Variants in CADM3 observed in about 807,000 individuals in gnomAD.
CADM3 encodes TSLC1-like 1.
A neutral mutation model predicts 44.9 loss-of-function variants in CADM3; 11 were observed. The ratio of observed to expected loss-of-function variants is 0.25; its 90% CI spans 0.15 to 0.41. The LOEUF is 0.41. Among genes scored for constraint, CADM3 ranks in the 10% least tolerant of loss-of-function variants. CADM3 has a pLI of 1.00. For missense variants in CADM3, 426 were observed against 512.0 expected, an observed-to-expected ratio of 0.83 and a Z score of 1.62; for synonymous variants, 207 against 205.2, an observed-to-expected ratio of 1.01 and a Z score of -0.08.
At chr1:159,190,893 G>C (rs1649629941) in intron 1 of CADM3, among the ~76,000 whole-genome samples, 1 of 152,206 alleles carries the variant, frequency 6.6e-6, no homozygotes, top group African/African-American at 2.4e-5. Context: ...ACAGATTTTT[G>C]TGGATGCATT....
At chr1:159,174,092 G>A (rs1295195819) in intron 1 of CADM3, among the ~76,000 whole-genome samples, 1 of 152,176 alleles carries the variant, frequency 6.6e-6, no homozygotes, top group Non-Finnish European at 1.5e-5. Context: ...AACAGGAGGG[G>A]TCTGTTTCCA....
chr1:159,175,608 C>T (rs1313896937), intron 1 of CADM3, among the ~76,000 whole-genome samples: 1 of 152,216 alleles, frequency 6.6e-6, no homozygotes, highest in Non-Finnish European at 1.5e-5. Context: ...TTTACACATT[C>T]TTATAATCCT....
rs755737224 is a variant in CADM3, at chr1:159,197,070, C to T, written c.952+10C>T. 13 of 1,612,002 alleles carry T rather than the reference C, an allele frequency of 8.1e-6. No individual in the cohort carries two copies. The South Asian group carries it at 1.2e-4, about 15-fold the overall frequency. On this transcript the variant is annotated intron_variant, in intron 7 of 8. Coordinates refer to ENST00000368125, the MANE Select transcript of CADM3 (RefSeq NM_001127173.3). ...ACCCTCAATGTTAATGGTAAGCCCTCCTCAGTTCTCTTCCTCCAGAATCTC... is the reference window on the plus strand; with the variant it reads ...ACCCTCAATGTTAATGGTAAGCCCTTCTCAGTTCTCTTCCTCCAGAATCTC...
intron 1 of CADM3, among the ~76,000 whole-genome samples, chr1:159,172,233 T>G (rs567795123): frequency 1.3e-5 from 2 of 152,024 alleles, no homozygotes; most frequent in Admixed American, 6.5e-5. Flanking sequence ...TCAGTGTGTG[T>G]TGGGGGCGGA....
Position 159,171,704 on chromosome 1 carries a change from T to A in CADM3, c.-62T>A. ...AACATCGTAGTCCACCCCCTCCCCATCCCCAGCCCCCGGGGATTCAGGCTC... is the reference window on the plus strand; with the variant it reads ...AACATCGTAGTCCACCCCCTCCCCAACCCCAGCCCCCGGGGATTCAGGCTC... On this transcript the variant is annotated 5_prime_UTR_variant, in exon 1 of 9. Coordinates refer to ENST00000368125, the MANE Select transcript of CADM3 (RefSeq NM_001127173.3). 33 of 1,101,582 alleles carry A rather than the reference T, an allele frequency of 3.0e-5. No homozygotes were observed. The highest frequency in any genetic ancestry group is 3.6e-5 in the Non-Finnish European group (31 of 869,830). 68.2% of individuals were successfully genotyped at this position (1,101,582 alleles called of 1,614,324 possible). A position where few individuals can be genotyped will look rare whatever the true frequency, so the allele number is the denominator to read the frequency against.
At position 159,199,847 on chromosome 1, in the gene CADM3, T is replaced by C. The variant is rs1571028939; in HGVS notation, c.1049T>C (p.Phe350Ser). 6.2e-7 allele frequency: 1 copy of C among 1,614,012 alleles called. No individual in the cohort carries two copies. Among genetic ancestry groups the C allele is most frequent in the Non-Finnish European group, 8.5e-7 (1 of 1,180,014 alleles). ...IVFLLLIMLI[F>S]LGHYLIRHKG... ...TTCCTGCTGCTCATCATGCTCATCTTCCTTGGCCACTACTTGATCCGGCAC... is the reference window on the plus strand; with the variant it reads ...TTCCTGCTGCTCATCATGCTCATCTCCCTTGGCCACTACTTGATCCGGCAC... The change falls in exon 8 of 9, where the codon TTC becomes TCC. Residue 350 changes from phenylalanine to serine, a missense_variant. Phe to Ser is a radical substitution (Grantham distance 155, BLOSUM62 -2). Transcript: ENST00000368125.
chr1:159,174,001 GC>G (rs1648924340), intron 1 of CADM3, among the ~76,000 whole-genome samples: 1 of 152,246 alleles, frequency 6.6e-6, no homozygotes, highest in Non-Finnish European at 1.5e-5. Context: ...ATGCTTCAGA[GC>G]AGTGGCCTGA....
intron 1 of CADM3, among the ~76,000 whole-genome samples, chr1:159,178,036 G>A (rs973990608): frequency 6.6e-6 from 1 of 152,108 alleles, no homozygotes; most frequent in Admixed American, 6.5e-5. Context: ...TATAACCTAT[G>A]CACATTCTCC....
Position 159,172,760 on chromosome 1 carries a change from T to C in CADM3, c.88+907T>C, listed in dbSNP as rs1173449293. On this transcript the variant is annotated intron_variant, in intron 1 of 8. Transcript: ENST00000368125. The stretch of plus-strand genomic sequence containing the variant: ...ATGGTAGAGAGATGAAGGAAGGGAG[T>C]CGGGGGAGAAAGGAGGCGGGGCCAG... Among the ~76,000 whole-genome samples, 4 of 147,956 alleles carry C rather than the reference T, an allele frequency of 2.7e-5. No homozygotes were observed. In the South Asian group the frequency reaches 8.8e-4, roughly 32 times the overall value.
chr1:159,172,070 C>G (rs1648832177), intron 1 of CADM3, among the ~76,000 whole-genome samples: 1 of 152,068 alleles, frequency 6.6e-6, no homozygotes, highest in Non-Finnish European at 1.5e-5. Flanking sequence ...CACCACTGAG[C>G]GTGTGTCTGC....
At chr1:159,189,743 T>G (rs774331167) in intron 1 of CADM3, 1 of 1,530,994 alleles carries the variant, frequency 6.5e-7, no homozygotes, top group Non-Finnish European at 9.0e-7. Context: ...CATGTAGGGC[T>G]CATGCTTGAT....
chr1:159,193,840 T>G, intron 4 of CADM3, 30 bp from the exon 5 acceptor site: 1 of 1,608,672 alleles, frequency 6.2e-7, no homozygotes, highest in Non-Finnish European at 8.5e-7. Context: ...TCTGTGTGTT[T>G]GTGTGTGTGC....
chr1:159,194,332 C>T (rs1341145709), intron 5 of CADM3: 1 of 247,008 alleles, frequency 4.0e-6, no homozygotes. Flanking sequence ...GGCTGTGTTC[C>T]AGTAAAACTT....
chr1:159,189,279 C>T (rs1649550651), intron 1 of CADM3, among the ~76,000 whole-genome samples: 1 of 152,172 alleles, frequency 6.6e-6, no homozygotes, highest in Admixed American at 6.5e-5. Flanking sequence ...ACTTATTTTA[C>T]AGGTTTATTA....
chr1:159,201,020 C>G lies in CADM3; in HGVS notation c.*98C>G, dbSNP rs558426145. 5.7e-5 allele frequency: 39 copies of G among 689,422 alleles called. No homozygotes were observed. The highest frequency in any genetic ancestry group is 1.8e-4 in the Admixed American group (5 of 28,346). The allele number at this position is 689,422 out of a possible 1,614,324, so 42.7% of individuals were successfully genotyped here. A position where few individuals can be genotyped will look rare whatever the true frequency, so the allele number is the denominator to read the frequency against. On this transcript the variant is annotated 3_prime_UTR_variant, in exon 9 of 9. Transcript: ENST00000368125. ...GTACAGAGCAACCGCAGGGCCGCCC[C>G]TCCCGCTTGCTCCCCAGCCCACCCA...
intron 5 of CADM3, 124 bp downstream of exon 5, chr1:159,194,164 A>G: frequency 1.9e-6 from 2 of 1,066,524 alleles, no homozygotes; most frequent in South Asian, 3.4e-5. Flanking sequence ...AAAATGAAAC[A>G]AAGACTGCCA....
intron 1 of CADM3, among the ~76,000 whole-genome samples, chr1:159,182,873 T>C (rs1264287656): frequency 6.6e-6 from 1 of 152,240 alleles, no homozygotes; most frequent in Admixed American, 6.5e-5. Flanking sequence ...TCTTAAACTT[T>C]GGATATTAAA....
rs1285314548 is a variant in CADM3 at position 159,173,229 on chromosome 1, C to T, written c.88+1376C>T. Among the ~76,000 whole-genome samples the T allele has an allele frequency of 1.0e-4, 3 of 28,624 alleles. No individual in the cohort carries two copies. In the Admixed American group the frequency reaches 1.3e-3, roughly 13 times the overall value. 18.8% of individuals were successfully genotyped at this position (28,624 alleles called of 152,430 possible). A position where few individuals can be genotyped will look rare whatever the true frequency, so the allele number is the denominator to read the frequency against. On this transcript the variant is annotated intron_variant, in intron 1 of 8. Coordinates refer to ENST00000368125, the MANE Select transcript of CADM3 (RefSeq NM_001127173.3). The stretch of plus-strand genomic sequence containing the variant: ...CAGCAGGGATGGGCACAGGGCGGGG[C>T]GGGGGTGGAGAGGGGAGGGGTTGAA...
At position 159,191,983 on chromosome 1, in the gene CADM3, G is replaced by A. The variant is rs201884647; in HGVS notation, c.136G>A (p.Val46Met). 45 of 1,613,902 alleles carry A rather than the reference G, an allele frequency of 2.8e-5. No individual in the cohort carries two copies. Among genetic ancestry groups the A allele is most frequent in the East Asian group, 8.9e-5 (4 of 44,896 alleles). The change falls in exon 2 of 9, where the codon GTG (valine) becomes ATG (methionine). Residue 46 changes from valine to methionine, a missense_variant. This residue lies in a region of CADM3 where 362 missense variants were observed against 474.6 expected (regional missense o/e 0.76). Transcript: ENST00000368125. ...SDETVVAGGT[V>M]VLKCQVKDHE... ...TGAAACAGTGGTGGCTGGTGGCACC[G>A]TGGTGCTCAAGTGCCAAGTGAAAGA...
Sources: allele counts gnomAD v4.1 joint callset (sites outside exome capture counted in the v4.1 genomes callset), GRCh38; gene constraint gnomAD v4.1.1; regional missense constraint gnomAD v4.1.1; transcripts MANE v1.5; gene names NCBI Gene and HGNC (gene_info 2026-07-23, HGNC 2026-07-21).